Variants in SLFN13 observed in about 807,000 individuals in gnomAD.
SLFN13 encodes the protein schlafen family member 13.
Under a neutral mutation model 50.6 loss-of-function variants are expected in SLFN13, and 43 were observed. The observed-to-expected ratio is 0.85, with a 90% CI of 0.67 to 1.09. The LOEUF is 1.09. Ranked by LOEUF, SLFN13 falls within the 50% of genes least tolerant of loss-of-function variation. The probability of loss-of-function intolerance (pLI) is 0.00; values close to 1 mark genes in which losing one functional copy is unlikely to be tolerated. For missense variants in SLFN13, 881 were observed against 1,071.1 expected (o/e 0.82, Z 2.48); for synonymous variants, 339 against 386.5 (o/e 0.88, Z 1.44).
chr17:35,443,922 T>C lies in SLFN13; in HGVS notation c.1067-2A>G, dbSNP rs1445713295. 6.2e-7 allele frequency: 1 copy of C among 1,612,470 alleles called. No individual in the cohort carries two copies. Among genetic ancestry groups the C allele is most frequent in the Non-Finnish European group, 8.5e-7 (1 of 1,179,090 alleles). ...CCTCAGCAAAGTCTGGAGGAAACTC[T>C]GAAAGAAAGAACATTTTAATTTACA... On this transcript the variant is annotated splice_acceptor_variant, in intron 3 of 5. Coordinates refer to ENST00000285013, the MANE Select transcript of SLFN13 (RefSeq NM_144682.6). LOFTEE classifies it high-confidence loss of function.
Position 35,440,859 on chromosome 17 carries a change from AG to A in SLFN13, c.2429del (p.Ala810ValfsTer7), listed in dbSNP as rs1407022017. On this transcript the variant is annotated frameshift_variant, in exon 6 of 6. Coordinates refer to ENST00000285013, the MANE Select transcript of SLFN13 (RefSeq NM_144682.6). LOFTEE classifies it low-confidence loss of function (END_TRUNC). ...FERGYSPKDV[A>X]VLVSTVTEVE... is the part of the protein sequence containing the mutation. ...CTTCTGTCACGGTGCTGACAAGCACAGCAACATCCTTTGGAGAATAGCCCCT... is the reference window on the plus strand; with the variant it reads ...CTTCTGTCACGGTGCTGACAAGCACACAACATCCTTTGGAGAATAGCCCCT... The A allele has an allele frequency of 6.2e-7, 1 of 1,614,178 alleles. No homozygotes were observed. The highest frequency in any genetic ancestry group is 1.1e-5 in the South Asian group (1 of 91,086).
intron 3 of SLFN13, 78 bp from the exon 4 acceptor site, chr17:35,443,998 T>C (rs1913060638): frequency 1.3e-5 from 18 of 1,428,884 alleles, no homozygotes; most frequent in Non-Finnish European, 1.5e-5. Flanking sequence ...AGGCTGTGTC[T>C]AAATTTCATC....
chr17:35,443,679 G>T, intron 4 of SLFN13, 110 bp downstream of exon 4: 2 of 1,179,672 alleles, frequency 1.7e-6, no homozygotes, highest in Non-Finnish European at 2.4e-6. Context: ...TTGTGGCATT[G>T]TCACTGTGTA....
intron 4 of SLFN13, among the ~76,000 whole-genome samples, chr17:35,442,529 T>C (rs1471776867): frequency 6.6e-6 from 1 of 152,174 alleles, no homozygotes; most frequent in African/African-American, 2.4e-5. Flanking sequence ...CTGCAAGCTC[T>C]GCCTCCCAGG....
rs1335853778 is a variant in SLFN13 at position 35,435,167 on chromosome 17, G to A, written c.*5428C>T. 6.6e-6 allele frequency: 1 copy of A among 152,080 alleles called. No homozygotes were observed. The highest frequency in any genetic ancestry group is 2.4e-5 in the African/African-American group (1 of 41,428). The allele number at this position is 152,080 out of a possible 1,614,324, so 9.4% of individuals were successfully genotyped here. On this transcript the variant is annotated 3_prime_UTR_variant, in exon 6 of 6. Transcript: ENST00000285013. Reference sequence around the variant, plus strand: ...TTATAGAATACATATAAGGTATAAAGAACAAAAGTATGAACATCTGTGAAC... The same window carrying A: ...TTATAGAATACATATAAGGTATAAAAAACAAAAGTATGAACATCTGTGAAC...
At chr17:35,442,392 A>T (rs1912965790) in intron 4 of SLFN13, 106 bp from the exon 5 acceptor site, 1 of 1,286,076 alleles carries the variant, frequency 7.8e-7, no homozygotes, top group African/African-American at 1.5e-5. Context: ...AGAATTGTAC[A>T]ATTTAACAGA....
intron 4 of SLFN13, among the ~76,000 whole-genome samples, chr17:35,442,600 C>T (rs1003552685): frequency 1.3e-5 from 2 of 152,146 alleles, no homozygotes; most frequent in Non-Finnish European, 2.9e-5. Flanking sequence ...CCTGCCACCA[C>T]GCCCGGCTAT....
At chr17:35,444,407 T>C (rs898560860) in intron 3 of SLFN13, among the ~76,000 whole-genome samples, 1 of 152,224 alleles carries the variant, frequency 6.6e-6, no homozygotes, top group Non-Finnish European at 1.5e-5. Flanking sequence ...TTTCCTTTGC[T>C]TCTTCTTTTG....
chr17:35,445,994 A>C (rs1472476805), intron 2 of SLFN13: 1 of 240,812 alleles, frequency 4.2e-6, no homozygotes, highest in Non-Finnish European at 8.0e-6. Context: ...ATTTAGGCCA[A>C]GACTTAAAAG....
intron 2 of SLFN13, among the ~76,000 whole-genome samples, chr17:35,446,298 A>C (rs1157129069): frequency 6.6e-6 from 1 of 152,240 alleles, no homozygotes; most frequent in Admixed American, 6.5e-5. Flanking sequence ...TGACAGATAC[A>C]GCTAGGTAAT....
intron 1 of SLFN13, among the ~76,000 whole-genome samples, chr17:35,447,935 G>A (rs900795711): frequency 6.6e-6 from 1 of 151,900 alleles, no homozygotes; most frequent in African/African-American, 2.4e-5. Context: ...CAGGCTGGAG[G>A]GCAGTGGCGC....
Position 35,445,694 on chromosome 17 carries a change from C to A in SLFN13, c.-13-1G>T, listed in dbSNP as rs114405302. ...ATTTGCCTCCATGTTGAACTTGCAC[C>A]TTAAAGTATTAGAATATTTGTTTCA... On this transcript the variant is annotated splice_acceptor_variant, in intron 2 of 5. Coordinates refer to ENST00000285013, the MANE Select transcript of SLFN13 (RefSeq NM_144682.6). LOFTEE classifies it low-confidence loss of function (5UTR_SPLICE). The A allele has an allele frequency of 7.3e-4, 1,142 of 1,560,072 alleles. 13 individuals are homozygous for A. In the African/African-American group the frequency reaches 0.014, roughly 19 times the overall value.
chr17:35,441,536 T>G lies in SLFN13; in HGVS notation c.1922+27A>C, dbSNP rs150380839. 1.6e-3 allele frequency: 2,542 copies of G among 1,611,856 alleles called. 109 individuals are homozygous for G. The African/African-American group carries it at 0.03, about 19-fold the overall frequency. On this transcript the variant is annotated intron_variant, in intron 5 of 5. Coordinates refer to ENST00000285013, the MANE Select transcript of SLFN13 (RefSeq NM_144682.6). ...AAATTAAACCCAGATTAAATAAAACTTAAAGACGTAAGATCCAACTGCTTA... is the reference window on the plus strand; with the variant it reads ...AAATTAAACCCAGATTAAATAAAACGTAAAGACGTAAGATCCAACTGCTTA...
Position 35,441,181 on chromosome 17 carries a change from T to A in SLFN13, c.2108A>T (p.Asp703Val), listed in dbSNP as rs1393549686. The change falls in exon 6 of 6, where the codon GAC becomes GTC. Residue 703 changes from aspartate (D) to valine (V), a missense_variant. Around this residue, in one of 5 missense-constraint regions of SLFN13, gnomAD observed 322 missense variants for 327.4 expected, o/e 0.98. Transcript: ENST00000285013. ...ACCCAAGTGACTGGTCTGAAAGTAG[T>A]CCAGAAAGATCCAGAGAACTCCTGG... ...DCPGVLWIFLDYFQTSHLGHS... is the reference protein window; with the variant it reads ...DCPGVLWIFLVYFQTSHLGHS... 1.9e-5 allele frequency: 30 copies of A among 1,614,018 alleles called. No homozygotes were observed. The highest frequency in any genetic ancestry group is 2.5e-5 in the Non-Finnish European group (30 of 1,179,964).
Position 35,440,633 on chromosome 17 carries a change from C to A in SLFN13, c.2656G>T (p.Ala886Ser), listed in dbSNP as rs771594663. 1 of 1,614,156 alleles carries A rather than the reference C, an allele frequency of 6.2e-7. No individual in the cohort carries two copies. The highest frequency in any genetic ancestry group is 1.1e-5 in the South Asian group (1 of 91,090). Residue 886 changes from alanine (A) to serine (S), a missense_variant, in exon 6 of 6, where the codon GCT becomes TCT. Transcript: ENST00000285013. Reference protein sequence around the residue: ...AILPNILICLASRAKQHLYIF... With the variant: ...AILPNILICLSSRAKQHLYIF... ...TATAGGTGCTGTTTTGCCCTGGAAG[C>A]CAGACAGATCAGAATATTGGGTAAG...
intron 4 of SLFN13, 70 bp from the exon 5 acceptor site, chr17:35,442,356 T>A: frequency 6.8e-7 from 1 of 1,463,152 alleles, no homozygotes; most frequent in Non-Finnish European, 9.1e-7. Flanking sequence ...ACATGTTACA[T>A]TTAAAAGACA....
At chr17:35,443,191 G>A (rs1339333300) in intron 4 of SLFN13, among the ~76,000 whole-genome samples, 1 of 152,160 alleles carries the variant, frequency 6.6e-6, no homozygotes, top group Non-Finnish European at 1.5e-5. Flanking sequence ...GCTAAAAAAT[G>A]TTTGGGCAGC....
chr17:35,438,699 A>G lies in SLFN13; in HGVS notation c.*1896T>C, dbSNP rs1662152568. ...ACTGGAATTCCATGAGTTAACACAA[A>G]TAGGAGAAAGACTGGCAGAAAAGTT... On this transcript the variant is annotated 3_prime_UTR_variant, in exon 6 of 6. Transcript: ENST00000285013. The G allele has an allele frequency of 6.6e-6, 1 of 152,196 alleles. No homozygotes were observed. The highest frequency in any genetic ancestry group is 2.4e-5 in the African/African-American group (1 of 41,464). The allele number at this position is 152,196 out of a possible 1,614,324, so 9.4% of individuals were successfully genotyped here. A position where few individuals can be genotyped will look rare whatever the true frequency, so the allele number is the denominator to read the frequency against.
At position 35,436,409 on chromosome 17, in the gene SLFN13, CTT is replaced by C. The variant is rs899112663; in HGVS notation, c.*4184_*4185del. On this transcript the variant is annotated 3_prime_UTR_variant, in exon 6 of 6. Transcript: ENST00000285013. Reference sequence around the variant, plus strand: ...GTGATCAGTATCAGTTCTCTGAACTCTTTGAATAATTACTTTTTAATTAGAAA... The same window carrying C: ...GTGATCAGTATCAGTTCTCTGAACTCTGAATAATTACTTTTTAATTAGAAA... 6.6e-6 allele frequency: 1 copy of C among 152,004 alleles called. No homozygotes were observed. The highest frequency in any genetic ancestry group is 1.5e-5 in the Non-Finnish European group (1 of 68,018). 9.4% of individuals were successfully genotyped at this position (152,004 alleles called of 1,614,324 possible).
Sources: gnomAD v4.1 joint callset for allele counts (sites outside exome capture counted in the v4.1 genomes callset) on GRCh38, gnomAD v4.1.1 for gene constraint, gnomAD v4.1.1 regional missense constraint, MANE v1.5 for transcripts, NCBI Gene and HGNC (gene_info 2026-07-23, HGNC 2026-07-21) for gene names.